CUL1: variants seen among roughly 807,000 people sequenced by gnomAD.
CUL1 encodes the protein cullin 1.
CUL1 carries 24 observed loss-of-function variants against 118.0 expected under a neutral mutation model. The observed-to-expected ratio is 0.20, with a 90% confidence interval of 0.15 to 0.29. CUL1 has a LOEUF of 0.29. CUL1 is among the 10% of genes least tolerant of loss of function. The probability of loss-of-function intolerance (pLI) is 1.00; values close to 1 mark genes in which losing one functional copy is unlikely to be tolerated. For synonymous variants in CUL1, 332 were observed against 340.4 expected (o/e 0.98, Z 0.27); for missense variants, 361 against 933.8 (o/e 0.39, Z 7.99).
intron 1 of CUL1, among the ~76,000 whole-genome samples, chr7:148,716,911 T>C (rs920101595): frequency 6.6e-6 from 1 of 152,236 alleles, no homozygotes; most frequent in Non-Finnish European, 1.5e-5. Flanking sequence ...ATTTTGGGAA[T>C]AGATTCCTAG....
chr7:148,742,365 A>G (rs1041723582), intron 2 of CUL1, among the ~76,000 whole-genome samples: 2 of 152,162 alleles, frequency 1.3e-5, no homozygotes, highest in South Asian at 2.1e-4. Context: ...AAGAGAGCTT[A>G]TGCAGGGAAA....
At chr7:148,739,576 A>G (rs1041183842) in intron 2 of CUL1, among the ~76,000 whole-genome samples, 1 of 151,966 alleles carries the variant, frequency 6.6e-6, no homozygotes, top group East Asian at 1.9e-4. Context: ...TGTTTTTTCC[A>G]TTTTGGGGAT....
At chr7:148,761,801 C>T (rs867523126) in intron 7 of CUL1, among the ~76,000 whole-genome samples, 8 of 152,336 alleles carry the variant, frequency 5.3e-5, no homozygotes, top group Middle Eastern at 3.4e-3. Flanking sequence ...CTTGACCTAG[C>T]TGTACTAGGA....
At chr7:148,719,982 G>A (rs1410817985) in intron 1 of CUL1, among the ~76,000 whole-genome samples, 1 of 152,202 alleles carries the variant, frequency 6.6e-6, no homozygotes, top group Admixed American at 6.5e-5. Context: ...TTTGTGAAAC[G>A]TAGCTTGTAC....
intron 2 of CUL1, among the ~76,000 whole-genome samples, chr7:148,742,096 ATATG>A (rs1434108933): frequency 2.0e-5 from 3 of 152,062 alleles, no homozygotes; most frequent in African/African-American, 7.2e-5. Flanking sequence ...TTGAAATTCT[ATATG>A]TATTTTGGAA....
At chr7:148,798,080 G>T in intron 19 of CUL1, 61 bp downstream of exon 19, 1 of 980,112 alleles carries the variant, frequency 1.0e-6, no homozygotes, top group Non-Finnish European at 1.6e-6. Flanking sequence ...GGGAGCCCTA[G>T]CACGGATCTC....
At chr7:148,714,846 G>C (rs1798163513) in intron 1 of CUL1, among the ~76,000 whole-genome samples, 1 of 152,128 alleles carries the variant, frequency 6.6e-6, no homozygotes, top group South Asian at 2.1e-4. Context: ...TGAGACTTCT[G>C]CTGTAAGTAA....
intron 2 of CUL1, among the ~76,000 whole-genome samples, chr7:148,742,401 C>G (rs531403197): frequency 6.6e-6 from 1 of 152,168 alleles, no homozygotes; most frequent in South Asian, 2.1e-4. Context: ...CCATCAGATT[C>G]TATGAGACTT....
chr7:148,789,547 A>G (rs760085432), intron 14 of CUL1, among the ~76,000 whole-genome samples: 1 of 152,206 alleles, frequency 6.6e-6, no homozygotes, highest in South Asian at 2.1e-4. Context: ...TTGGAAGAAA[A>G]GAGTATCTGG....
intron 2 of CUL1, among the ~76,000 whole-genome samples, chr7:148,745,577 G>T (rs1314968333): frequency 6.6e-6 from 1 of 152,172 alleles, no homozygotes; most frequent in Non-Finnish European, 1.5e-5. Flanking sequence ...TGGAATCATG[G>T]TTTAAGTAAC....
chr7:148,742,044 A>G (rs368222047), intron 2 of CUL1, among the ~76,000 whole-genome samples: 12 of 152,120 alleles, frequency 7.9e-5, no homozygotes, highest in African/African-American at 2.4e-4. Flanking sequence ...GAGTCCTCCA[A>G]TGTTGTTCTT....
At chr7:148,777,638 T>C (rs570119548) in intron 9 of CUL1, among the ~76,000 whole-genome samples, 58 of 152,186 alleles carry the variant, frequency 3.8e-4, no homozygotes, top group Non-Finnish European at 7.2e-4. Flanking sequence ...ACTTAAAATG[T>C]GCTCATTCCA....
chr7:148,778,206 C>A (rs1468164090), intron 9 of CUL1, among the ~76,000 whole-genome samples: 2 of 150,406 alleles, frequency 1.3e-5, no homozygotes, highest in African/African-American at 4.9e-5. Context: ...TTGGTTTCTG[C>A]TTATTGAAAG....
intron 2 of CUL1, among the ~76,000 whole-genome samples, chr7:148,737,982 CT>C (rs1312097027): frequency 1.3e-5 from 2 of 152,180 alleles, no homozygotes; most frequent in Non-Finnish European, 2.9e-5. Context: ...TAAATTTCCA[CT>C]TCTTAAGTCG....
rs190884256 is a variant in CUL1, at chr7:148,743,196, C to T, written c.141-10780C>T. Reference sequence around the variant, plus strand: ...TTCAGTGGCCCAGAAAATAGCCTATCTTGGTGAATGTGCCATGTACTCTTG... The same window carrying T: ...TTCAGTGGCCCAGAAAATAGCCTATTTTGGTGAATGTGCCATGTACTCTTG... On this transcript the variant is annotated intron_variant, in intron 2 of 21. Transcript: ENST00000325222. Among the ~76,000 whole-genome samples, 367 of 152,262 alleles carry T rather than the reference C, an allele frequency of 2.4e-3. 1 individual carries two copies. The highest frequency in any genetic ancestry group is 8.3e-3 in the African/African-American group (347 of 41,560).
At chr7:148,697,866 G>T (rs1169009069), upstream of CUL1, 1 of 152,200 alleles carries the variant, frequency 6.6e-6, no homozygotes, top group African/African-American at 2.4e-5. Context: ...AGTCAATTAT[G>T]ACAGTTAATT....
At chr7:148,780,370 A>G (rs556729309) in intron 9 of CUL1, among the ~76,000 whole-genome samples, 1 of 152,356 alleles carries the variant, frequency 6.6e-6, no homozygotes, top group East Asian at 1.9e-4. Flanking sequence ...ACTCTTTCTA[A>G]TTGTGAATAT....
intron 2 of CUL1, among the ~76,000 whole-genome samples, chr7:148,731,048 TAC>T (rs1237900678): frequency 2.0e-5 from 3 of 152,208 alleles, no homozygotes; most frequent in African/African-American, 4.8e-5. Flanking sequence ...TTTTTTAAAG[TAC>T]AGTATTTAAA....
intron 13 of CUL1, among the ~76,000 whole-genome samples, chr7:148,788,205 A>G (rs937020473): frequency 1.3e-5 from 2 of 152,154 alleles, no homozygotes; most frequent in African/African-American, 4.8e-5. Flanking sequence ...GGGCTTCAAC[A>G]TAGGGATTTT....
Sources: allele counts gnomAD v4.1 joint callset (sites outside exome capture counted in the v4.1 genomes callset), GRCh38; gene constraint gnomAD v4.1.1; transcripts MANE v1.5; gene names NCBI Gene and HGNC (gene_info 2026-07-23, HGNC 2026-07-21).